Variants in EYS observed in about 807,000 individuals in gnomAD.
EYS encodes EGF-like photoreceptor maintenance factor, also known as protein eyes shut homolog.
EYS carries 250 observed loss-of-function variants against 282.1 expected under a neutral mutation model. The ratio of observed to expected loss-of-function variants is 0.89; its 90% CI spans 0.80 to 0.98. EYS has a LOEUF of 0.98. Among genes scored for constraint, EYS ranks in the 50% least tolerant of loss-of-function variants. The pLI is 0.00. For missense variants in EYS, 4,016 were observed against 3,709.0 expected (o/e 1.08, Z -2.15); for synonymous variants, 1,355 against 1,282.9 (o/e 1.06, Z -1.20).
chr6:64,566,779 T>C (rs949894263), intron 26 of EYS, among the ~76,000 whole-genome samples: 1 of 152,026 alleles, frequency 6.6e-6, no homozygotes, highest in Non-Finnish European at 1.5e-5. Flanking sequence ...GATTCTAATA[T>C]ATATATATTT....
At chr6:65,577,564 A>G (rs1377370222) in intron 2 of EYS, among the ~76,000 whole-genome samples, 1 of 151,890 alleles carries the variant, frequency 6.6e-6, no homozygotes, top group Non-Finnish European at 1.5e-5. Context: ...ACAAATCAAA[A>G]ATAGACAAAG....
At chr6:64,245,770 G>T (rs1180504977) in intron 30 of EYS, among the ~76,000 whole-genome samples, 1 of 152,042 alleles carries the variant, frequency 6.6e-6, no homozygotes, top group Non-Finnish European at 1.5e-5. Context: ...AAGAGGATTT[G>T]TGTTTGCTTT....
intron 28 of EYS, among the ~76,000 whole-genome samples, chr6:64,414,606 T>TA (rs1424276936): frequency 1.3e-5 from 2 of 152,068 alleles, no homozygotes; most frequent in Non-Finnish European, 2.9e-5. Flanking sequence ...ATAAGCATAA[T>TA]AAAATTATGC....
intron 19 of EYS, among the ~76,000 whole-genome samples, chr6:64,827,023 A>G (rs924815419): frequency 2.6e-5 from 4 of 151,844 alleles, no homozygotes; most frequent in Non-Finnish European, 5.9e-5. Flanking sequence ...ATTGAATAAT[A>G]CAATCAACCG....
chr6:64,945,931 T>G lies in EYS; in HGVS notation c.2260-17A>C. 1.3e-6 allele frequency: 2 copies of G among 1,531,148 alleles called. No individual in the cohort carries two copies. The highest frequency in any genetic ancestry group is 1.4e-5 in the African/African-American group (1 of 72,322). 94.8% of individuals were successfully genotyped at this position (1,531,148 alleles called of 1,614,324 possible). A position where few individuals can be genotyped will look rare whatever the true frequency, so the allele number is the denominator to read the frequency against. Reference sequence around the variant, plus strand: ...CTGGTAGCTCTAAGAGAATATGAAATTATATATTTTTAGGCTATTTCTTAC... The same window carrying G: ...CTGGTAGCTCTAAGAGAATATGAAAGTATATATTTTTAGGCTATTTCTTAC... On this transcript the variant is annotated splice_polypyrimidine_tract_variant and intron_variant, in intron 14 of 42. Coordinates refer to ENST00000503581, the MANE Select transcript of EYS (RefSeq NM_001142800.2).
chr6:63,803,502 T>C (rs1770828292), intron 37 of EYS, among the ~76,000 whole-genome samples: 1 of 152,172 alleles, frequency 6.6e-6, no homozygotes, highest in South Asian at 2.1e-4. Context: ...CTCCACATCC[T>C]AATGCAGAAC....
intron 22 of EYS, among the ~76,000 whole-genome samples, chr6:64,642,068 A>G (rs1433302468): frequency 1.3e-5 from 2 of 152,172 alleles, no homozygotes; most frequent in African/African-American, 4.8e-5. Flanking sequence ...TGGAAATAAC[A>G]TGAAGACAGA....
chr6:64,566,882 T>G (rs1376093006), intron 26 of EYS, among the ~76,000 whole-genome samples: 1 of 152,100 alleles, frequency 6.6e-6, no homozygotes, highest in Non-Finnish European at 1.5e-5. Context: ...CACATGATTC[T>G]CCTGCCTCAG....
chr6:64,035,203 T>C (rs141798964), intron 33 of EYS, among the ~76,000 whole-genome samples: 343 of 152,322 alleles, frequency 2.3e-3, no homozygotes, highest in African/African-American at 7.8e-3. Flanking sequence ...ACAGAGACAG[T>C]AAAGAGATTA....
At chr6:65,170,721 C>G (rs1325744687) in intron 12 of EYS, among the ~76,000 whole-genome samples, 1 of 151,216 alleles carries the variant, frequency 6.6e-6, no homozygotes, top group Non-Finnish European at 1.5e-5. Flanking sequence ...AATACATCAG[C>G]CAAATACTAT....
intron 31 of EYS, among the ~76,000 whole-genome samples, chr6:64,148,257 C>T (rs569708167): frequency 6.6e-5 from 10 of 152,220 alleles, no homozygotes; most frequent in Admixed American, 5.2e-4. Flanking sequence ...GTTACAGCAA[C>T]TAAAATTTTG....
At chr6:63,931,337 A>G (rs1334651437) in intron 35 of EYS, among the ~76,000 whole-genome samples, 2 of 152,248 alleles carry the variant, frequency 1.3e-5, no homozygotes, top group Non-Finnish European at 1.5e-5. Context: ...TGCATCATCC[A>G]TCGTTGCTAC....
At chr6:65,180,016 T>A (rs191833519) in intron 12 of EYS, among the ~76,000 whole-genome samples, 1 of 152,138 alleles carries the variant, frequency 6.6e-6, no homozygotes, top group African/African-American at 2.4e-5. Context: ...ACCTTCATGC[T>A]AAAAAATCTC....
chr6:65,648,425 G>A (rs759435673), intron 1 of EYS, among the ~76,000 whole-genome samples: 5 of 151,980 alleles, frequency 3.3e-5, no homozygotes, highest in Non-Finnish European at 5.9e-5. Context: ...TGGTATTGGA[G>A]ACTATTATTC....
At chr6:65,286,943 G>T (rs1768383744) in intron 12 of EYS, among the ~76,000 whole-genome samples, 1 of 151,440 alleles carries the variant, frequency 6.6e-6, no homozygotes, top group South Asian at 2.1e-4. Context: ...CAATGGGAAT[G>T]TGTAAGAAAA....
At chr6:64,708,805 G>A (rs913100647) in intron 22 of EYS, among the ~76,000 whole-genome samples, 1 of 152,158 alleles carries the variant, frequency 6.6e-6, no homozygotes, top group African/African-American at 2.4e-5. Flanking sequence ...ATGTGAAGTT[G>A]TGATGCCTGC....
intron 30 of EYS, among the ~76,000 whole-genome samples, chr6:64,243,006 T>G (rs1345343739): frequency 6.8e-6 from 1 of 146,862 alleles, no homozygotes; most frequent in African/African-American, 2.5e-5. Flanking sequence ...TAATTATAAT[T>G]TATATATATT....
At chr6:64,188,691 A>G (rs796599484) in intron 31 of EYS, among the ~76,000 whole-genome samples, 5 of 152,274 alleles carry the variant, frequency 3.3e-5, no homozygotes, top group African/African-American at 1.2e-4. Flanking sequence ...AACCTGTCTT[A>G]TTGACCTTTA....
intron 26 of EYS, among the ~76,000 whole-genome samples, chr6:64,472,580 C>G (rs1776151410): frequency 6.6e-6 from 1 of 152,042 alleles, no homozygotes; most frequent in South Asian, 2.1e-4. Flanking sequence ...GTTTGCTCAT[C>G]AATTTAATGA....
Sources: gnomAD v4.1 joint callset for allele counts (sites outside exome capture counted in the v4.1 genomes callset) on GRCh38, gnomAD v4.1.1 for gene constraint, MANE v1.5 for transcripts, NCBI Gene and HGNC (gene_info 2026-07-23, HGNC 2026-07-21) for gene names.